Variants in HERC4 observed in about 807,000 individuals in gnomAD.
HERC4 encodes HECT and RLD domain containing E3 ubiquitin protein ligase 4.
HERC4 carries 28 observed loss-of-function variants against 124.3 expected under a neutral mutation model. The ratio of observed to expected loss-of-function variants is 0.23; its 90% confidence interval spans 0.17 to 0.31. The LOEUF (loss-of-function observed/expected upper bound fraction) is 0.31, where lower values mean the gene tolerates loss of function less well. Ranked by LOEUF, HERC4 falls within the 10% of genes least tolerant of loss-of-function variation. The probability of loss-of-function intolerance (pLI) is 1.00; values close to 1 mark genes in which losing one functional copy is unlikely to be tolerated. For synonymous variants in HERC4, 407 were observed against 421.5 expected (o/e 0.97, Z 0.42); for missense variants, 713 against 1,229.3 (o/e 0.58, Z 6.28).
chr10:68,039,391 C>G (rs890073890), intron 4 of HERC4: 30 of 1,547,422 alleles, frequency 1.9e-5, no homozygotes, highest in Non-Finnish European at 2.5e-5. Context: ...TTTCTTATTT[C>G]CCTTTACCTG....
At chr10:68,039,036 T>G (rs146336447) in intron 4 of HERC4, among the ~76,000 whole-genome samples, 50 of 151,212 alleles carry the variant, frequency 3.3e-4, no homozygotes, top group African/African-American at 1.2e-3. Context: ...GGATTACAGG[T>G]GGGTTACTGT....
rs374190892 is a variant in HERC4, at chr10:67,931,212, T to C, written c.2838+1385A>G. Among the ~76,000 whole-genome samples, 145 of 151,646 alleles carry C rather than the reference T, an allele frequency of 9.6e-4. 1 individual carries two copies. In the South Asian group the frequency reaches 0.029, roughly 30 times the overall value. ...GGTTGGCCAGGATGGTCTCGATCTC[T>C]TAACCTCGTGATCCGCCCGCCTCGG... On this transcript the variant is annotated intron_variant, in intron 23 of 24. Transcript: ENST00000373700.
chr10:67,991,264 A>G, intron 11 of HERC4, 65 bp from the exon 12 acceptor site: 1 of 897,372 alleles, frequency 1.1e-6, no homozygotes, highest in Non-Finnish European at 1.6e-6. Flanking sequence ...CCCTTTCTTA[A>G]AAAAGAATTA....
In HERC4 at chr10:67,953,444, A is replaced by C. The variant is rs185361107; in HGVS notation, c.2337+1151T>G. On this transcript the variant is annotated intron_variant, in intron 19 of 24. Transcript: ENST00000373700. ...GGTACTGTTAGGCAGTAAATGTGTA[A>C]GATAAGTCTGGAACATTCTGTCATA... 1.1e-3 allele frequency among the ~76,000 whole-genome samples: 175 copies of C among 152,300 alleles called. 1 individual carries two copies. Among genetic ancestry groups the C allele is most frequent in the African/African-American group, 4.2e-3 (174 of 41,578 alleles).
chr10:68,012,038 C>T (rs550441106), intron 9 of HERC4, among the ~76,000 whole-genome samples: 48 of 152,294 alleles, frequency 3.2e-4, no homozygotes, highest in African/African-American at 1.0e-3. Context: ...TTAAACTTCA[C>T]GAACTAATAT....
intron 4 of HERC4, 102 bp from the exon 5 acceptor site, chr10:68,038,271 G>T: frequency 2.1e-6 from 1 of 469,700 alleles, no homozygotes; most frequent in East Asian, 3.4e-5. Context: ...TATGCACATA[G>T]GTCATATTAT....
At chr10:67,972,265 T>C (rs2035285429) in intron 15 of HERC4, among the ~76,000 whole-genome samples, 1 of 142,856 alleles carries the variant, frequency 7.0e-6, no homozygotes. Flanking sequence ...CTCACACCGG[T>C]AATCCCAGCA....
At chr10:67,940,116 C>A (rs1385018400) in intron 20 of HERC4, among the ~76,000 whole-genome samples, 1 of 151,918 alleles carries the variant, frequency 6.6e-6, no homozygotes, top group African/African-American at 2.4e-5. Flanking sequence ...TTAGTAGAGA[C>A]CAGGTTTCAC....
At chr10:68,040,350 A>G (rs1421530457) in intron 4 of HERC4, 1 of 949,100 alleles carries the variant, frequency 1.1e-6, no homozygotes. Flanking sequence ...TCTTCATATA[A>G]ATGTATTAAT....
chr10:67,928,640 G>A (rs768582797), intron 23 of HERC4, among the ~76,000 whole-genome samples: 1 of 151,794 alleles, frequency 6.6e-6, no homozygotes, highest in Non-Finnish European at 1.5e-5. Context: ...GAGTTGCCTC[G>A]GGCCAGGAGC....
intron 15 of HERC4, among the ~76,000 whole-genome samples, chr10:67,971,489 CT>C (rs1293827357): frequency 1.3e-5 from 2 of 149,968 alleles, no homozygotes; most frequent in Admixed American, 1.3e-4. Flanking sequence ...TAACATCCAA[CT>C]ATCAATGAAT....
intron 3 of HERC4, 98 bp from the exon 4 acceptor site, chr10:68,044,661 A>AT: frequency 9.4e-7 from 1 of 1,060,912 alleles, no homozygotes; most frequent in Non-Finnish European, 1.4e-6. Flanking sequence ...AACAAAACAC[A>AT]TTCTTCATTT....
At chr10:68,067,181 T>C (rs1033362531) in intron 3 of HERC4, 3 of 152,644 alleles carry the variant, frequency 2.0e-5, no homozygotes, top group Non-Finnish European at 2.9e-5. Flanking sequence ...CCATGAGTTA[T>C]TGTGTAATGC....
At chr10:67,941,243 G>T in intron 19 of HERC4, 138 bp from the exon 20 acceptor site, 1 of 549,200 alleles carries the variant, frequency 1.8e-6, no homozygotes, top group Non-Finnish European at 3.0e-6. Context: ...CCTCATTACT[G>T]TCTCCCTGGG....
At position 67,954,746 on chromosome 10, in the gene HERC4, A is replaced by G. The variant is rs779559495; in HGVS notation, c.2194-8T>C. On this transcript the variant is annotated splice_region_variant and splice_polypyrimidine_tract_variant and intron_variant, in intron 18 of 24. Transcript: ENST00000373700. ...TTCTCCAACAAATATAACCTAAAAT[A>G]GCACAATGCAAACACCAAATAGACT... is the stretch of plus-strand genomic sequence containing the variant. 2 of 1,611,566 alleles carry G rather than the reference A, an allele frequency of 1.2e-6. No individual in the cohort carries two copies. Among genetic ancestry groups the G allele is most frequent in the South Asian group, 2.2e-5 (2 of 90,756 alleles).
intron 11 of HERC4, among the ~76,000 whole-genome samples, 197 bp downstream of exon 11, chr10:67,992,002 G>C (rs540012545): frequency 2.1e-4 from 32 of 152,116 alleles, no homozygotes; most frequent in African/African-American, 7.0e-4. Context: ...GGGCTCAGCT[G>C]ATCCTCCCAC....
At chr10:67,998,570 G>C (rs972792793) in intron 9 of HERC4, among the ~76,000 whole-genome samples, 5 of 148,862 alleles carry the variant, frequency 3.4e-5, no homozygotes, top group African/African-American at 7.5e-5. Context: ...AAAAGGGGGG[G>C]GGGTACAGTA....
rs570387234 is a variant in HERC4, at chr10:67,952,120, C to T, written c.2337+2475G>A. On this transcript the variant is annotated intron_variant, in intron 19 of 24. Transcript: ENST00000373700. ...TCTCAGCCCCTCAATACAATTCCACCGTCACAATTTATTTATTTGTCCAAA... is the reference window on the plus strand; with the variant it reads ...TCTCAGCCCCTCAATACAATTCCACTGTCACAATTTATTTATTTGTCCAAA... Among the ~76,000 whole-genome samples, 25 of 152,180 alleles carry T rather than the reference C, an allele frequency of 1.6e-4. 1 individual carries two copies. In the South Asian group the frequency reaches 4.8e-3, roughly 29 times the overall value.
At chr10:68,018,110 T>C (rs2038376780) in intron 8 of HERC4, among the ~76,000 whole-genome samples, 4 of 151,868 alleles carry the variant, frequency 2.6e-5, no homozygotes. Flanking sequence ...AGTTCACTGA[T>C]AAACAGAAAT....
Sources: gnomAD v4.1 joint callset for allele counts (sites outside exome capture counted in the v4.1 genomes callset) on GRCh38, gnomAD v4.1.1 for gene constraint, MANE v1.5 for transcripts, NCBI Gene and HGNC (gene_info 2026-07-23, HGNC 2026-07-21) for gene names.